The following ADAMTSL1 variants were observed in gnomAD, a reference collection of about 807,000 sequenced individuals.
The protein encoded by ADAMTSL1 is ADAMTS like 1, also known as ADAMTS-like protein 1.
A neutral mutation model predicts 201.8 loss-of-function variants in ADAMTSL1; 126 were observed. The ratio of observed to expected loss-of-function variants is 0.62; its 90% CI spans 0.54 to 0.72. The LOEUF (loss-of-function observed/expected upper bound fraction) is 0.72, where lower values mean the gene tolerates loss of function less well. Among genes scored for constraint, ADAMTSL1 ranks in the 30% least tolerant of loss-of-function variants. The pLI is 0.00. For missense variants in ADAMTSL1, 2,679 were observed against 2,277.8 expected (o/e 1.18, Z -3.59); for synonymous variants, 1,121 against 903.4 (o/e 1.24, Z -4.32).
chr9:18,686,601 A>G (rs1830854824), intron 13 of ADAMTSL1, among the ~76,000 whole-genome samples: 2 of 152,238 alleles, frequency 1.3e-5, no homozygotes, highest in Middle Eastern at 3.4e-3. Flanking sequence ...TCTATTTGAA[A>G]CCAGTTATGT....
intron 2 of ADAMTSL1, among the ~76,000 whole-genome samples, chr9:18,266,347 C>G (rs1270477019): frequency 6.6e-6 from 1 of 152,192 alleles, no homozygotes; most frequent in Non-Finnish European, 1.5e-5. Flanking sequence ...GCCTGGTCCT[C>G]CATCCAAAAA....
intron 2 of ADAMTSL1, among the ~76,000 whole-genome samples, chr9:18,328,478 A>G (rs894359207): frequency 2.0e-5 from 3 of 152,216 alleles, no homozygotes; most frequent in African/African-American, 7.2e-5. Flanking sequence ...TAACTCACTT[A>G]GCCCTCCTAA....
intron 1 of ADAMTSL1, among the ~76,000 whole-genome samples, chr9:18,019,506 G>A (rs991349220): frequency 6.6e-6 from 1 of 152,090 alleles, no homozygotes; most frequent in Non-Finnish European, 1.5e-5. Flanking sequence ...ACAGAAAGGT[G>A]TTTAAAAGAT....
intron 1 of ADAMTSL1, among the ~76,000 whole-genome samples, chr9:18,093,791 A>C (rs1199598859): frequency 6.6e-6 from 1 of 152,194 alleles, no homozygotes; most frequent in Non-Finnish European, 1.5e-5. Context: ...ACTGAGGAAG[A>C]GATCACACAA....
At chr9:18,408,337 G>C (rs1414171039) in intron 2 of ADAMTSL1, among the ~76,000 whole-genome samples, 1 of 152,152 alleles carries the variant, frequency 6.6e-6, no homozygotes, top group Non-Finnish European at 1.5e-5. Flanking sequence ...TAGGCATGGT[G>C]GTAGGCACCT....
chr9:17,949,836 C>T, intron 1 of ADAMTSL1, among the ~76,000 whole-genome samples: 1 of 152,112 alleles, frequency 6.6e-6, no homozygotes, highest in East Asian at 1.9e-4. Flanking sequence ...TCCTGAAAAG[C>T]TTGTAAATGT....
intron 26 of ADAMTSL1, among the ~76,000 whole-genome samples, chr9:18,895,855 GC>G (rs1230443709): frequency 1.3e-5 from 2 of 152,102 alleles, no homozygotes; most frequent in Admixed American, 6.5e-5. Context: ...GGAAAATATG[GC>G]CCATTTTAAG....
At chr9:18,751,531 G>A (rs906581422) in intron 15 of ADAMTSL1, among the ~76,000 whole-genome samples, 2 of 152,188 alleles carry the variant, frequency 1.3e-5, no homozygotes, top group African/African-American at 2.4e-5. Context: ...GTGTTAAGGT[G>A]CCCTCTATGA....
At chr9:18,828,312 C>T (rs138753645) in intron 22 of ADAMTSL1, among the ~76,000 whole-genome samples, 3 of 152,032 alleles carry the variant, frequency 2.0e-5, no homozygotes. Context: ...GAGGGGCCAA[C>T]AATTGGCCCA....
chr9:18,071,275 A>G (rs1822951302), intron 1 of ADAMTSL1, among the ~76,000 whole-genome samples: 1 of 152,202 alleles, frequency 6.6e-6, no homozygotes, highest in Non-Finnish European at 1.5e-5. Flanking sequence ...AAAAAATTAA[A>G]GGTTTGGTCA....
rs940866138 is a variant in ADAMTSL1 at position 18,215,638 on chromosome 9, A to G, written c.207+51657A>G. Among the ~76,000 whole-genome samples the G allele has an allele frequency of 5.3e-5, 8 of 152,178 alleles. No homozygotes were observed. The East Asian group carries it at 9.6e-4, about 18-fold the overall frequency. ...ATTTGTCAAGATGGGAAGGTAGACT[A>G]TTTTATTTAATGGTTTATTAGCTTG... On this transcript the variant is annotated intron_variant, in intron 2 of 29. Transcript: ENST00000680146.
chr9:18,700,338 T>C (rs1023097550), intron 13 of ADAMTSL1, among the ~76,000 whole-genome samples: 1 of 152,168 alleles, frequency 6.6e-6, no homozygotes, highest in African/African-American at 2.4e-5. Context: ...TGAGAGGCAT[T>C]AAATAACTAA....
intron 1 of ADAMTSL1, among the ~76,000 whole-genome samples, chr9:18,086,704 G>A (rs977110084): frequency 2.6e-5 from 4 of 152,116 alleles, no homozygotes; most frequent in Admixed American, 6.6e-5. Flanking sequence ...ACTTTAGAAA[G>A]CATTTAAATG....
intron 3 of ADAMTSL1, among the ~76,000 whole-genome samples, chr9:18,571,360 A>G (rs1350350282): frequency 1.3e-5 from 2 of 152,216 alleles, no homozygotes; most frequent in African/African-American, 4.8e-5. Flanking sequence ...GGAAATTTTA[A>G]GAGGAGTTTG....
At chr9:17,973,040 G>T in intron 1 of ADAMTSL1, among the ~76,000 whole-genome samples, 1 of 136,262 alleles carries the variant, frequency 7.3e-6, no homozygotes, top group Non-Finnish European at 1.6e-5. Context: ...ATTTGTTTGA[G>T]TTCATTGTAG....
intron 1 of ADAMTSL1, among the ~76,000 whole-genome samples, chr9:17,922,265 T>C (rs2131295512): frequency 6.6e-6 from 1 of 152,282 alleles, no homozygotes; most frequent in Admixed American, 6.5e-5. Flanking sequence ...TACATATTTC[T>C]TTTCAGTTCT....
At chr9:18,815,734 AAG>A (rs1823805634) in intron 20 of ADAMTSL1, among the ~76,000 whole-genome samples, 5 of 148,984 alleles carry the variant, frequency 3.4e-5, no homozygotes, top group African/African-American at 4.9e-5. Flanking sequence ...AAAAAAAAAA[AAG>A]AGAAAAAAAA....
intron 2 of ADAMTSL1, among the ~76,000 whole-genome samples, chr9:18,315,939 G>C (rs1000707907): frequency 2.6e-5 from 4 of 152,244 alleles, no homozygotes; most frequent in South Asian, 2.1e-4. Flanking sequence ...CGATATTCAT[G>C]TAGGTTCTTT....
chr9:18,434,332 A>G (rs1487640440), intron 2 of ADAMTSL1, among the ~76,000 whole-genome samples: 2 of 152,196 alleles, frequency 1.3e-5, no homozygotes, highest in African/African-American at 4.8e-5. Flanking sequence ...TCCACCATGC[A>G]TCCCTTCTGT....
Sources: allele counts gnomAD v4.1 joint callset (sites outside exome capture counted in the v4.1 genomes callset), GRCh38; gene constraint gnomAD v4.1.1; transcripts MANE v1.5; gene names NCBI Gene and HGNC (gene_info 2026-07-23, HGNC 2026-07-21).